The following P2RX7 variants were observed in gnomAD, a reference collection of about 807,000 sequenced individuals.
The protein encoded by P2RX7 is P2X purinoceptor 7.
In P2RX7, 62 loss-of-function variants were observed where a neutral mutation model predicts 71.6. The ratio of observed to expected loss-of-function variants is 0.87; its 90% CI spans 0.71 to 1.07. The LOEUF (loss-of-function observed/expected upper bound fraction) is 1.07, where lower values mean the gene tolerates loss of function less well. Ranked by LOEUF, P2RX7 falls within the 50% of genes least tolerant of loss-of-function variation. The probability of loss-of-function intolerance (pLI) is 0.00; values close to 1 mark genes in which losing one functional copy is unlikely to be tolerated. For synonymous variants in P2RX7, 299 were observed against 283.3 expected (o/e 1.06, Z -0.56); for missense variants, 686 against 748.5 (o/e 0.92, Z 0.97).
intron 1 of P2RX7, among the ~76,000 whole-genome samples, chr12:121,133,773 A>G (rs1161791552): frequency 1.3e-5 from 2 of 152,146 alleles, no homozygotes; most frequent in Admixed American, 6.6e-5. Context: ...TTCTGCCTCT[A>G]TGGATTTGCC....
chr12:121,180,300 A>G (rs1158823708), intron 11 of P2RX7, 54 bp from the exon 12 acceptor site: 7 of 1,039,822 alleles, frequency 6.7e-6, no homozygotes, highest in Non-Finnish European at 8.7e-6. Context: ...TAGATAGGCA[A>G]TTCTTGATAA....
At chr12:121,133,358 C>T (rs534206595) in intron 1 of P2RX7, among the ~76,000 whole-genome samples, 68 of 152,312 alleles carry the variant, frequency 4.5e-4, no homozygotes, top group Admixed American at 1.3e-3. Context: ...GCAGGGCGTG[C>T]CTGGGGAAGG....
intron 4 of P2RX7, among the ~76,000 whole-genome samples, chr12:121,161,756 C>T (rs1879763426): frequency 1.4e-5 from 2 of 146,604 alleles, no homozygotes; most frequent in Admixed American, 1.4e-4. Flanking sequence ...CATGCCACTG[C>T]ACTCCAGCAT....
intron 2 of P2RX7, 96 bp from the exon 3 acceptor site, chr12:121,155,983 A>G (rs1275811091): frequency 9.1e-7 from 1 of 1,096,856 alleles, no homozygotes; most frequent in Non-Finnish European, 1.4e-6. Flanking sequence ...AGAAGCTTAG[A>G]AAAGTGGAGA....
intron 5 of P2RX7, among the ~76,000 whole-genome samples, chr12:121,164,076 G>T (rs1880494301): frequency 1.3e-5 from 2 of 152,152 alleles, no homozygotes; most frequent in South Asian, 4.1e-4. Context: ...CTCCACTCAG[G>T]TAGTCCTTGT....
rs1878070495 is a variant in P2RX7 at position 121,154,129 on chromosome 12, A to T, written c.126-656A>T. Among the ~76,000 whole-genome samples the T allele has an allele frequency of 1.5e-5, 2 of 137,000 alleles. No homozygotes were observed. The highest frequency in any genetic ancestry group is 5.1e-5 in the African/African-American group (2 of 39,084). The allele number at this position is 137,000 out of a possible 152,430, so 89.9% of individuals were successfully genotyped here. On this transcript the variant is annotated intron_variant, in intron 1 of 12. Coordinates refer to ENST00000328963, the MANE Select transcript of P2RX7 (RefSeq NM_002562.6). The surrounding 1 kb of genome is among the most constrained non-coding windows in gnomAD (Gnocchi z 4.2). ...CAGAGCAAGGCCCTTTCTCTGGAAT[A>T]AAAAAAAAAGAGAGGCTGGGCGCAG...
intron 11 of P2RX7, 73 bp from the exon 12 acceptor site, chr12:121,180,281 A>G: frequency 1.3e-6 from 1 of 746,054 alleles, no homozygotes; most frequent in South Asian, 2.0e-5. Flanking sequence ...TAGGAATTAC[A>G]GTTGCCTTTA....
At chr12:121,177,970 G>A (rs910569199) in intron 11 of P2RX7, among the ~76,000 whole-genome samples, 7 of 151,950 alleles carry the variant, frequency 4.6e-5, no homozygotes, top group African/African-American at 1.2e-4. Context: ...CCACCCACTC[G>A]GCCTCCCACA....
chr12:121,141,654 A>G (rs1166509062), intron 1 of P2RX7, among the ~76,000 whole-genome samples: 1 of 152,162 alleles, frequency 6.6e-6, no homozygotes, highest in African/African-American at 2.4e-5. Context: ...TCATATTTTC[A>G]TTTTAGAGAG....
At chr12:121,169,903 C>G (rs1490692124) in intron 8 of P2RX7, among the ~76,000 whole-genome samples, 1 of 152,148 alleles carries the variant, frequency 6.6e-6, no homozygotes, top group Non-Finnish European at 1.5e-5. Context: ...CAGAGTGAGA[C>G]CCTTACATGG....
Position 121,134,019 on chromosome 12 carries a change from C to T in P2RX7, c.125+924C>T, listed in dbSNP as rs545382937. On this transcript the variant is annotated intron_variant, in intron 1 of 12. Coordinates refer to ENST00000328963, the MANE Select transcript of P2RX7 (RefSeq NM_002562.6). ...GATTACAGGCGTGAGCCATTGCACC[C>T]GGCTGATACTTCATTCCTTTTTACG... is the stretch of plus-strand genomic sequence containing the variant. Among the ~76,000 whole-genome samples the T allele has an allele frequency of 1.8e-3, 276 of 152,234 alleles. 4 individuals carry two copies. Among genetic ancestry groups the T allele is most frequent in the African/African-American group, 6.0e-3 (250 of 41,506 alleles).
chr12:121,155,270 C>T (rs1316555639), intron 2 of P2RX7: 5 of 1,338,832 alleles, frequency 3.7e-6, no homozygotes, highest in African/African-American at 1.5e-5. Flanking sequence ...CCAGCAAGGT[C>T]TGCCGAGATT....
chr12:121,136,075 CTT>C (rs1481006686), intron 1 of P2RX7, among the ~76,000 whole-genome samples: 52 of 123,432 alleles, frequency 4.2e-4, no homozygotes, highest in South Asian at 2.7e-3. Flanking sequence ...TTTGCCATCT[CTT>C]ATATATTTTT....
rs1208322947 is a variant in P2RX7 at position 121,184,376 on chromosome 12, A to C, written c.1362A>C (p.Gly454=). The part of the protein sequence containing the change: ...LALHDTPPIP[G]QPEEIQLLRK... ...TCCATGACACACCCCCGATTCCTGG[A>C]CAACCAGAGGAGATACAGCTGCTTA... The change falls in exon 13 of 13, where the codon GGA becomes GGC. Residue 454 remains glycine, a synonymous_variant. Transcript: ENST00000328963. The C allele has an allele frequency of 6.2e-7, 1 of 1,614,092 alleles. No individual in the cohort carries two copies. Among genetic ancestry groups the C allele is most frequent in the Admixed American group, 1.7e-5 (1 of 59,996 alleles).
chr12:121,173,569 C>T (rs1306009560), intron 8 of P2RX7, among the ~76,000 whole-genome samples: 1 of 152,178 alleles, frequency 6.6e-6, no homozygotes, highest in Non-Finnish European at 1.5e-5. Context: ...CCATGCTAGA[C>T]AGGGCCACAG....
Position 121,173,167 on chromosome 12 carries a change from C to G in P2RX7, c.882-2221C>G, listed in dbSNP as rs145763649. The stretch of plus-strand genomic sequence containing the variant: ...ATGACAGAGAGAGGTCAATGCCACT[C>G]AAAGAATATTTTGTTTGTTTGTTTG... On this transcript the variant is annotated intron_variant, in intron 8 of 12. Coordinates refer to ENST00000328963, the MANE Select transcript of P2RX7 (RefSeq NM_002562.6). Among the ~76,000 whole-genome samples the G allele has an allele frequency of 1.0e-4, 15 of 149,134 alleles. No individual in the cohort carries two copies. The East Asian group carries it at 2.9e-3, about 29-fold the overall frequency.
intron 1 of P2RX7, among the ~76,000 whole-genome samples, chr12:121,147,425 A>C (rs17434809): frequency 0.07 from 10,685 of 152,226 alleles, 598 homozygotes; most frequent in Non-Finnish European, 0.096. Flanking sequence ...GGTAAGGACT[A>C]TATTAGGGTT....
rs1022087004 is a variant in P2RX7, at chr12:121,139,488, A to T, written c.125+6393A>T. On this transcript the variant is annotated intron_variant, in intron 1 of 12. Transcript: ENST00000328963. ...CCTCCACTGGCGCCAACATGAGCCTATGCTGTCATTCCTGGGCCCAGGCTG... is the reference window on the plus strand; with the variant it reads ...CCTCCACTGGCGCCAACATGAGCCTTTGCTGTCATTCCTGGGCCCAGGCTG... 3.3e-5 allele frequency among the ~76,000 whole-genome samples: 5 copies of T among 152,282 alleles called. No individual in the cohort carries two copies. The Middle Eastern group carries it at 0.01, about 311-fold the overall frequency.
chr12:121,161,587 T>C (rs1370651489), intron 4 of P2RX7, among the ~76,000 whole-genome samples: 1 of 149,846 alleles, frequency 6.7e-6, no homozygotes, highest in Non-Finnish European at 1.5e-5. Flanking sequence ...AGGTCAGGGG[T>C]TCGAGAACAG....
Sources: allele counts gnomAD v4.1 joint callset (sites outside exome capture counted in the v4.1 genomes callset), GRCh38; gene constraint gnomAD v4.1.1; non-coding constraint Gnocchi (gnomAD v3.1); transcripts MANE v1.5; gene names NCBI Gene and HGNC (gene_info 2026-07-23, HGNC 2026-07-21).